The following ZFHX3 variants were observed in gnomAD, a reference collection of about 807,000 sequenced individuals.
ZFHX3 encodes zinc finger homeobox 3.
In ZFHX3, 42 loss-of-function variants were observed where a neutral mutation model predicts 279.1. The ratio of observed to expected loss-of-function variants is 0.15; its 90% CI spans 0.12 to 0.19. ZFHX3 has a LOEUF of 0.19. ZFHX3 is among the 10% of genes least tolerant of loss of function. The probability of loss-of-function intolerance (pLI) is 1.00; values close to 1 mark genes in which losing one functional copy is unlikely to be tolerated. For synonymous variants in ZFHX3, 2,293 were observed against 1,957.8 expected (o/e 1.17, Z -4.52); for missense variants, 4,981 against 4,754.0 (o/e 1.05, Z -1.40).
At chr16:73,508,463 G>C (rs1022737591) in intron 2 of ZFHX3, among the ~76,000 whole-genome samples, 4 of 152,182 alleles carry the variant, frequency 2.6e-5, no homozygotes, top group Admixed American at 6.5e-5. Flanking sequence ...CTCCATGCCA[G>C]TGAAAGGATA....
intron 1 of ZFHX3, among the ~76,000 whole-genome samples, chr16:73,712,934 G>A (rs973714454): frequency 6.6e-6 from 1 of 152,194 alleles, no homozygotes; most frequent in African/African-American, 2.4e-5. Context: ...TGCAGGGTGG[G>A]CTGTCTGCTG....
intron 2 of ZFHX3, among the ~76,000 whole-genome samples, chr16:73,522,349 C>T (rs888084265): frequency 4.6e-5 from 7 of 152,126 alleles, no homozygotes; most frequent in East Asian, 1.9e-4. Flanking sequence ...GTTCAGGAAA[C>T]GCTTGTTCAA....
chr16:73,747,199 G>C (rs1419158778), intron 1 of ZFHX3, among the ~76,000 whole-genome samples: 1 of 152,024 alleles, frequency 6.6e-6, no homozygotes, highest in Non-Finnish European at 1.5e-5. Flanking sequence ...GACCAGCCTG[G>C]ACAACACAGG....
chr16:73,057,663 C>T lies in ZFHX3; in HGVS notation c.-24+867G>A, dbSNP rs1745873079. 2.6e-5 allele frequency among the ~76,000 whole-genome samples: 4 copies of T among 151,792 alleles called. No individual in the cohort carries two copies. The South Asian group carries it at 8.3e-4, about 31-fold the overall frequency. On this transcript the variant is annotated intron_variant, in intron 1 of 8. Transcript: ENST00000397992. Reference sequence around the variant, plus strand: ...GGTCTGGCCCTGGCCAGCGGCGCAGCCCCGAGCCCCCGGGAGCCCCTAGTG... The same window carrying T: ...GGTCTGGCCCTGGCCAGCGGCGCAGTCCCGAGCCCCCGGGAGCCCCTAGTG...
chr16:73,181,835 T>C (rs1967802829), intron 5 of ZFHX3, among the ~76,000 whole-genome samples: 2 of 152,100 alleles, frequency 1.3e-5, no homozygotes, highest in African/African-American at 4.8e-5. Context: ...GAAGGCACAA[T>C]TGTGGGCTGA....
chr16:73,110,884 TAAAC>T (rs1966364246), intron 7 of ZFHX3, among the ~76,000 whole-genome samples: 2 of 152,096 alleles, frequency 1.3e-5, no homozygotes, highest in African/African-American at 4.8e-5. Context: ...AACTAATAAA[TAAAC>T]AAATGACCAA....
chr16:73,811,663 T>A (rs1567418272), intron 1 of ZFHX3, among the ~76,000 whole-genome samples: 2 of 152,086 alleles, frequency 1.3e-5, no homozygotes, highest in East Asian at 3.9e-4. Flanking sequence ...GCCAGGCTGG[T>A]CTCGAACTCC....
At chr16:73,331,099 A>G (rs2015792907) in intron 3 of ZFHX3, among the ~76,000 whole-genome samples, 1 of 152,176 alleles carries the variant, frequency 6.6e-6, no homozygotes, top group African/African-American at 2.4e-5. Flanking sequence ...GGCCTCAGAA[A>G]ACTTACAATC....
intron 3 of ZFHX3, among the ~76,000 whole-genome samples, chr16:73,453,437 C>T (rs561683378): frequency 6.6e-6 from 1 of 152,274 alleles, no homozygotes; most frequent in African/African-American, 2.4e-5. Flanking sequence ...TGTTAACTGC[C>T]TTGTGAGAAG....
At chr16:73,882,340 G>A (rs75214503) in intron 1 of ZFHX3, among the ~76,000 whole-genome samples, 200 of 152,130 alleles carry the variant, frequency 1.3e-3, no homozygotes, top group South Asian at 4.4e-3. Context: ...CAGCATTTTT[G>A]CTGTCAAAAA....
chr16:73,021,486 T>C (rs76504882), intron 1 of ZFHX3, among the ~76,000 whole-genome samples: 3,357 of 152,228 alleles, frequency 0.022, 62 homozygotes, highest in East Asian at 0.097. Context: ...ATAGAGTCTT[T>C]GAAGTAATTT....
intron 7 of ZFHX3, among the ~76,000 whole-genome samples, chr16:73,096,243 A>T (rs1431083370): frequency 2.6e-5 from 4 of 151,578 alleles, no homozygotes; most frequent in African/African-American, 4.8e-5. Flanking sequence ...TTTGCTCCTT[A>T]TGACTCCCAG....
rs1177805898 is a variant in ZFHX3, at chr16:73,871,812, AAAAT to A, written c.-1608+19835_-1608+19838del. ...TGAGACCATAGTTAGACTTGCTAAC[AAAAT>A]AAATAATCACCTTGAAAAGCAACAA... On this transcript the variant is annotated intron_variant, in intron 1 of 17. Transcript: ENST00000641206. Among the ~76,000 whole-genome samples the A allele has an allele frequency of 1.1e-4, 17 of 152,330 alleles. No individual in the cohort carries two copies. The East Asian group carries it at 1.2e-3, about 10-fold the overall frequency.
intron 2 of ZFHX3, among the ~76,000 whole-genome samples, chr16:73,623,778 T>C (rs1425493492): frequency 6.6e-6 from 1 of 152,224 alleles, no homozygotes; most frequent in Non-Finnish European, 1.5e-5. Context: ...ATCCTTTAGC[T>C]TCCAAACCTT....
In ZFHX3 at chr16:72,932,387, A is replaced by G. The variant is rs1202092003; in HGVS notation, c.3216+18082T>C. Among the ~76,000 whole-genome samples the G allele has an allele frequency of 2.0e-5, 3 of 151,982 alleles. No homozygotes were observed. In the East Asian group the frequency reaches 5.8e-4, roughly 29 times the overall value. On this transcript the variant is annotated intron_variant, in intron 3 of 9. Coordinates refer to ENST00000268489, the MANE Select transcript of ZFHX3 (RefSeq NM_006885.4). ...GCCACAATGCAGCTGGACTTGAATCACTTTCTAATTTTCCTGAGTACTTCA... is the reference window on the plus strand; with the variant it reads ...GCCACAATGCAGCTGGACTTGAATCGCTTTCTAATTTTCCTGAGTACTTCA...
intron 5 of ZFHX3, among the ~76,000 whole-genome samples, chr16:73,181,973 G>A (rs1302741889): frequency 6.6e-6 from 1 of 152,036 alleles, no homozygotes; most frequent in Non-Finnish European, 1.5e-5. Context: ...GCAGTCCTTC[G>A]GGTTTTGTTT....
At chr16:73,553,889 C>G (rs1436132881) in intron 2 of ZFHX3, among the ~76,000 whole-genome samples, 1 of 152,168 alleles carries the variant, frequency 6.6e-6, no homozygotes, top group Non-Finnish European at 1.5e-5. Context: ...ATTTCATCAT[C>G]TGATCACTGA....
intron 4 of ZFHX3, among the ~76,000 whole-genome samples, chr16:72,856,445 CT>C (rs1229946427): frequency 6.6e-6 from 1 of 152,184 alleles, no homozygotes; most frequent in Admixed American, 6.5e-5. Context: ...GTGCAGCTAG[CT>C]TACTCTGTGC....
intron 8 of ZFHX3, among the ~76,000 whole-genome samples, chr16:73,086,004 A>AT (rs1966008263): frequency 6.6e-6 from 1 of 151,718 alleles, no homozygotes; most frequent in Admixed American, 6.6e-5. Context: ...AAAAAAAAAA[A>AT]AAAATCAAAT....
Sources: gnomAD v4.1 joint callset for allele counts (sites outside exome capture counted in the v4.1 genomes callset) on GRCh38, gnomAD v4.1.1 for gene constraint, MANE v1.5 for transcripts, NCBI Gene and HGNC (gene_info 2026-07-23, HGNC 2026-07-21) for gene names.